Variants in TBL1XR1 observed in about 807,000 individuals in gnomAD.
TBL1XR1 encodes F-box-like/WD repeat-containing protein TBL1XR1.
Under a neutral mutation model 66.9 loss-of-function variants are expected in TBL1XR1, and 5 were observed. The ratio of observed to expected loss-of-function variants is 0.07; its 90% CI spans 0.04 to 0.16. TBL1XR1 has a LOEUF of 0.16. Among genes scored for constraint, TBL1XR1 ranks in the 10% least tolerant of loss-of-function variants. The probability of loss-of-function intolerance (pLI) is 1.00; values close to 1 mark genes in which losing one functional copy is unlikely to be tolerated. For missense variants in TBL1XR1, 238 were observed against 623.2 expected, an observed-to-expected ratio of 0.38 and a Z score of 6.58; for synonymous variants, 210 against 206.0, an observed-to-expected ratio of 1.02 and a Z score of -0.17.
At chr3:177,134,902 C>T (rs1577268720) in intron 1 of TBL1XR1, among the ~76,000 whole-genome samples, 1 of 150,982 alleles carries the variant, frequency 6.6e-6, no homozygotes, top group Non-Finnish European at 1.5e-5. Flanking sequence ...TAATAAAAGC[C>T]TTCCAATTAT....
rs372267282 is a variant in TBL1XR1, at chr3:177,193,731, TTGA to T, written c.-122+3387_-122+3389del. 3.4e-3 allele frequency among the ~76,000 whole-genome samples: 525 copies of T among 152,234 alleles called. 3 individuals are homozygous for T. The highest frequency in any genetic ancestry group is 0.011 in the African/African-American group (473 of 41,538). On this transcript the variant is annotated intron_variant, in intron 1 of 15. Transcript: ENST00000457928. The stretch of plus-strand genomic sequence containing the variant: ...AGACGCTCAACTATAGATCATAAAC[TTGA>T]TTAGAAACACAAGTTTTTGGAAGGA...
At chr3:177,099,113 T>TC (rs1003108699) in intron 1 of TBL1XR1, among the ~76,000 whole-genome samples, 59 of 152,252 alleles carry the variant, frequency 3.9e-4, no homozygotes, top group African/African-American at 1.3e-3. Flanking sequence ...ACGCCTGTAA[T>TC]CCCAGCACTT....
intron 1 of TBL1XR1, among the ~76,000 whole-genome samples, chr3:177,193,264 C>G (rs1736397267): frequency 6.6e-6 from 1 of 152,146 alleles, no homozygotes; most frequent in South Asian, 2.1e-4. Context: ...TCACTTTAAC[C>G]ACTATGCTAC....
intron 1 of TBL1XR1, among the ~76,000 whole-genome samples, chr3:177,156,302 A>G (rs1338422687): frequency 2.0e-5 from 3 of 151,602 alleles, no homozygotes; most frequent in African/African-American, 4.8e-5. Context: ...GTTTGAGACC[A>G]GCCTGGCCAA....
intron 1 of TBL1XR1, among the ~76,000 whole-genome samples, chr3:177,114,346 C>T (rs1726033276): frequency 6.6e-6 from 1 of 151,702 alleles, no homozygotes; most frequent in Non-Finnish European, 1.5e-5. Context: ...CTTTGTTGCC[C>T]AGGCTAGAGT....
At chr3:177,153,877 CA>C (rs1007822226) in intron 1 of TBL1XR1, among the ~76,000 whole-genome samples, 648 of 43,082 alleles carry the variant, frequency 0.015, 2 homozygotes, top group South Asian at 0.041. Flanking sequence ...AACTCCATCT[CA>C]AAAAAAAAAA....
At chr3:177,070,027 T>C (rs889316947) in intron 2 of TBL1XR1, among the ~76,000 whole-genome samples, 1 of 152,236 alleles carries the variant, frequency 6.6e-6, no homozygotes, top group African/African-American at 2.4e-5. Flanking sequence ...AAAATGCTTT[T>C]TTAAAAAACA....
At chr3:177,103,010 T>C (rs1724413729) in intron 1 of TBL1XR1, among the ~76,000 whole-genome samples, 1 of 152,222 alleles carries the variant, frequency 6.6e-6, no homozygotes, top group Non-Finnish European at 1.5e-5. Context: ...ACATACATGA[T>C]TCTTAAGATA....
At chr3:177,142,696 A>G (rs1729769431) in intron 1 of TBL1XR1, among the ~76,000 whole-genome samples, 1 of 152,206 alleles carries the variant, frequency 6.6e-6, no homozygotes. Flanking sequence ...AAATTTAAGA[A>G]GCAAGTGAAA....
At chr3:177,195,723 C>CCATT (rs1464630089) in intron 1 of TBL1XR1, 1 of 151,990 alleles carries the variant, frequency 6.6e-6, no homozygotes, top group Non-Finnish European at 1.5e-5. Flanking sequence ...GGTAGAGCAA[C>CCATT]CATTCAGTCT....
chr3:177,189,418 C>A (rs141954326), intron 1 of TBL1XR1, among the ~76,000 whole-genome samples: 357 of 151,810 alleles, frequency 2.4e-3, no homozygotes, highest in Middle Eastern at 0.01. Context: ...TTTGGGAGGC[C>A]AAGGTGGGTG....
At chr3:177,159,776 G>A (rs1383205553) in intron 1 of TBL1XR1, among the ~76,000 whole-genome samples, 1 of 152,172 alleles carries the variant, frequency 6.6e-6, no homozygotes, top group Non-Finnish European at 1.5e-5. Flanking sequence ...GCTTAGTAAA[G>A]ACTAATGATG....
chr3:177,030,169 C>T (rs1054591123), intron 14 of TBL1XR1, among the ~76,000 whole-genome samples: 3 of 151,138 alleles, frequency 2.0e-5, no homozygotes, highest in African/African-American at 4.9e-5. Flanking sequence ...CACAGAGAAG[C>T]GTTAGAGAAA....
chr3:177,022,655 T>C lies in TBL1XR1; in HGVS notation c.*2843A>G, dbSNP rs1282659143. ...AGCATAGAAAAACTACTGGATTCAA[T>C]TGATCATCAGGAATAAGTTCTCAGA... On this transcript the variant is annotated 3_prime_UTR_variant, in exon 16 of 16. Coordinates refer to ENST00000457928, the MANE Select transcript of TBL1XR1 (RefSeq NM_024665.7). The C allele has an allele frequency of 2.6e-5, 4 of 152,512 alleles. No homozygotes were observed. Among genetic ancestry groups the C allele is most frequent in the South Asian group, 2.1e-4 (1 of 4,832 alleles). 9.4% of individuals were successfully genotyped at this position (152,512 alleles called of 1,614,324 possible). A position where few individuals can be genotyped will look rare whatever the true frequency, so the allele number is the denominator to read the frequency against.
chr3:177,197,679 CCGCGGACGCCGGGA>C (rs1737072472), upstream of TBL1XR1, among the ~76,000 whole-genome samples: 1 of 127,884 alleles, frequency 7.8e-6, no homozygotes, highest in Non-Finnish European at 1.7e-5. Flanking sequence ...GGGAGGGGCG[CCGCGGACGCCGGGA>C]GGCGGCGGCG....
chr3:177,190,897 T>TGG (rs758721873), intron 1 of TBL1XR1, among the ~76,000 whole-genome samples: 2 of 152,210 alleles, frequency 1.3e-5, no homozygotes, highest in East Asian at 3.9e-4. Context: ...ACATCGTAGT[T>TGG]GGGGCAACAA....
At chr3:177,143,030 C>T (rs531137610) in intron 1 of TBL1XR1, among the ~76,000 whole-genome samples, 2 of 151,302 alleles carry the variant, frequency 1.3e-5, no homozygotes, top group South Asian at 2.1e-4. Flanking sequence ...GGTCATTTCA[C>T]TATTTAAAAT....
At chr3:177,046,445 G>A (rs1294708742) in intron 9 of TBL1XR1, among the ~76,000 whole-genome samples, 2 of 151,968 alleles carry the variant, frequency 1.3e-5, no homozygotes, top group Non-Finnish European at 2.9e-5. Context: ...AAAGGGCCAG[G>A]CATTATACTA....
intron 2 of TBL1XR1, among the ~76,000 whole-genome samples, chr3:177,071,604 A>T (rs959174699): frequency 3.3e-5 from 5 of 152,106 alleles, no homozygotes; most frequent in African/African-American, 7.2e-5. Flanking sequence ...TATAGTTTTA[A>T]AAAAAAACTG....
Sources: gnomAD v4.1 joint callset for allele counts (sites outside exome capture counted in the v4.1 genomes callset) on GRCh38, gnomAD v4.1.1 for gene constraint, MANE v1.5 for transcripts, NCBI Gene and HGNC (gene_info 2026-07-23, HGNC 2026-07-21) for gene names.